The following RASGEF1A variants were observed in gnomAD, a reference collection of about 807,000 sequenced individuals.
The protein encoded by RASGEF1A is RasGEF domain family member 1A, also known as ras-GEF domain-containing family member 1A.
A neutral mutation model predicts 56.4 loss-of-function variants in RASGEF1A; 18 were observed. The ratio of observed to expected loss-of-function variants is 0.32; its 90% CI spans 0.22 to 0.47. RASGEF1A has a LOEUF of 0.47. Ranked by LOEUF, RASGEF1A falls within the 20% of genes least tolerant of loss-of-function variation. RASGEF1A has a pLI of 1.00. For synonymous variants in RASGEF1A, 245 were observed against 242.6 expected, an observed-to-expected ratio of 1.01 and a Z score of -0.09; for missense variants, 422 against 627.1, an observed-to-expected ratio of 0.67 and a Z score of 3.49.
chr10:43,232,643 T>C (rs1481767149), intron 1 of RASGEF1A, among the ~76,000 whole-genome samples: 1 of 152,078 alleles, frequency 6.6e-6, no homozygotes, highest in Middle Eastern at 3.2e-3. Context: ...CACGCCACCA[T>C]GCCCAGCTAA....
chr10:43,203,353 C>A lies in RASGEF1A; in HGVS notation c.266G>T (p.Arg89Leu). ...CTGCTCCACGCAGATCTGCCCCACGCGGGCCAGCAGGTCATGAGGGGGCAT... is the reference window on the plus strand; with the variant it reads ...CTGCTCCACGCAGATCTGCCCCACGAGGGCCAGCAGGTCATGAGGGGGCAT... ...VFMPPHDLLA[R>L]VGQICVEQKQ... The change falls in exon 3 of 13, where the codon CGC becomes CTC. Residue 89 changes from arginine (R) to leucine (L), a missense_variant. Physicochemically the swap from Arg to Leu is moderately radical, Grantham distance 102 (BLOSUM62 -2). Transcript: ENST00000395810. 1 of 1,585,654 alleles carries A rather than the reference C, an allele frequency of 6.3e-7. No homozygotes were observed. Among genetic ancestry groups the A allele is most frequent in the Non-Finnish European group, 8.6e-7 (1 of 1,166,150 alleles).
chr10:43,204,509 C>G (rs898056242), intron 2 of RASGEF1A, among the ~76,000 whole-genome samples: 10 of 152,214 alleles, frequency 6.6e-5, no homozygotes, highest in Non-Finnish European at 1.3e-4. Flanking sequence ...AAGGAGACAA[C>G]TAAGACGTGG....
chr10:43,246,154 ACAATT>A (rs1391421014), intron 1 of RASGEF1A, among the ~76,000 whole-genome samples: 1 of 152,202 alleles, frequency 6.6e-6, no homozygotes, highest in Non-Finnish European at 1.5e-5. Context: ...AATTAAGAAA[ACAATT>A]CAATTCGTAA....
chr10:43,229,567 A>G (rs1245257849), intron 1 of RASGEF1A: 78 of 1,309,546 alleles, frequency 6.0e-5, no homozygotes, highest in Non-Finnish European at 7.6e-5. Context: ...GGACCGTCGC[A>G]CCCCTCCCGA....
intron 1 of RASGEF1A, among the ~76,000 whole-genome samples, chr10:43,223,261 T>C (rs934190176): frequency 6.6e-6 from 1 of 152,180 alleles, no homozygotes; most frequent in African/African-American, 2.4e-5. Context: ...ATACCACCAA[T>C]GAAACCCAGT....
Position 43,264,407 on chromosome 10 carries a change from G to T in RASGEF1A, c.-7+2438C>A, listed in dbSNP as rs925670970. ...GACACCCCCAGCAATCCACCAGTGGGTATCAGAGGCCCTCCTCTATGGCTG... is the reference window on the plus strand; with the variant it reads ...GACACCCCCAGCAATCCACCAGTGGTTATCAGAGGCCCTCCTCTATGGCTG... On this transcript the variant is annotated intron_variant, in intron 1 of 12. Coordinates refer to ENST00000395810, the MANE Select transcript of RASGEF1A (RefSeq NM_145313.4). Among the ~76,000 whole-genome samples, 6 of 149,160 alleles carry T rather than the reference G, an allele frequency of 4.0e-5. No individual in the cohort carries two copies. The South Asian group carries it at 1.4e-3, about 34-fold the overall frequency.
At chr10:43,260,989 C>G (rs1208687936) in intron 1 of RASGEF1A, among the ~76,000 whole-genome samples, 1 of 152,224 alleles carries the variant, frequency 6.6e-6, no homozygotes, top group Non-Finnish European at 1.5e-5. Flanking sequence ...GTGCGGGCAT[C>G]TCCGAGCCAG....
chr10:43,225,903 G>C (rs145395129), intron 1 of RASGEF1A, among the ~76,000 whole-genome samples: 16 of 152,140 alleles, frequency 1.1e-4, no homozygotes, highest in Non-Finnish European at 2.4e-4. Flanking sequence ...GGAGGGCGGC[G>C]CTCTGACGCA....
intron 1 of RASGEF1A, among the ~76,000 whole-genome samples, chr10:43,240,686 A>G (rs1181444365): frequency 6.6e-6 from 1 of 152,164 alleles, no homozygotes; most frequent in Non-Finnish European, 1.5e-5. Context: ...GCACAGAAAG[A>G]AAAAAGAAAG....
intron 1 of RASGEF1A, among the ~76,000 whole-genome samples, chr10:43,226,521 T>C (rs1840282062): frequency 6.6e-6 from 1 of 151,996 alleles, no homozygotes; most frequent in Non-Finnish European, 1.5e-5. Flanking sequence ...ACGCCATCCA[T>C]GGGCTCCCAC....
intron 1 of RASGEF1A, among the ~76,000 whole-genome samples, chr10:43,243,690 G>A (rs1306885440): frequency 1.1e-4 from 17 of 147,960 alleles, no homozygotes; most frequent in African/African-American, 3.5e-4. Flanking sequence ...TGGGAGGTGG[G>A]GAGCACCTCT....
At chr10:43,254,314 C>G (rs1243297116) in intron 1 of RASGEF1A, among the ~76,000 whole-genome samples, 1 of 152,142 alleles carries the variant, frequency 6.6e-6, no homozygotes, top group Non-Finnish European at 1.5e-5. Flanking sequence ...TGTAGGTAGA[C>G]CCCCCCAGTG....
At chr10:43,231,154 G>T (rs1408312745) in intron 1 of RASGEF1A, among the ~76,000 whole-genome samples, 1 of 152,258 alleles carries the variant, frequency 6.6e-6, no homozygotes, top group Non-Finnish European at 1.5e-5. Context: ...CCCCACTTTT[G>T]CTTCTGCATC....
Position 43,245,906 on chromosome 10 carries a change from G to A in RASGEF1A, c.-7+20939C>T, listed in dbSNP as rs552091406. Among the ~76,000 whole-genome samples the A allele has an allele frequency of 4.6e-5, 7 of 152,184 alleles. No individual in the cohort carries two copies. In the East Asian group the frequency reaches 1.4e-3, roughly 29 times the overall value. Reference sequence around the variant, plus strand: ...ATTTAACATTGCTCTGGAGGTTCTGGCCTCGGCAATTGGATAAGAAAAAGA... The same window carrying A: ...ATTTAACATTGCTCTGGAGGTTCTGACCTCGGCAATTGGATAAGAAAAAGA... On this transcript the variant is annotated intron_variant, in intron 1 of 12. Transcript: ENST00000395810.
At chr10:43,251,975 A>T (rs1342577124) in intron 1 of RASGEF1A, among the ~76,000 whole-genome samples, 2 of 152,216 alleles carry the variant, frequency 1.3e-5, no homozygotes, top group Admixed American at 1.3e-4. Context: ...GCAGACAGGG[A>T]GGCCCTGCTG....
intron 1 of RASGEF1A, among the ~76,000 whole-genome samples, chr10:43,230,498 C>G (rs970921224): frequency 3.3e-5 from 5 of 152,194 alleles, no homozygotes; most frequent in Non-Finnish European, 7.3e-5. Flanking sequence ...TGCGCGGAGC[C>G]GAAGAGCGCC....
intron 1 of RASGEF1A, among the ~76,000 whole-genome samples, chr10:43,246,023 A>T (rs143457524): frequency 3.0e-4 from 45 of 152,298 alleles, no homozygotes; most frequent in African/African-American, 1.1e-3. Flanking sequence ...ATACACATAC[A>T]CACACAGACA....
At position 43,197,067 on chromosome 10, in the gene RASGEF1A, C is replaced by T; in HGVS notation, c.1257G>A (p.Glu419=). 6.2e-7 allele frequency: 1 copy of T among 1,613,994 alleles called. No individual in the cohort carries two copies. The highest frequency in any genetic ancestry group is 8.5e-7 in the Non-Finnish European group (1 of 1,179,866). The change falls in exon 11 of 13, where the codon GAG becomes GAA. Residue 419 remains glutamate, a synonymous_variant. Transcript: ENST00000395810. ...KFWEISRQIH[E]FMTWTQVECP... ...ACTCTACCTGTGTCCATGTCATGAA[C>T]TCATGGATCTGTCTGGAGATCTCCC...
chr10:43,208,915 A>T, intron 1 of RASGEF1A: 1 of 985,596 alleles, frequency 1.0e-6, no homozygotes, highest in Non-Finnish European at 1.2e-6. Context: ...TCCTGGGTGC[A>T]TCTGGCCAGC....
Sources: gnomAD v4.1 joint callset for allele counts (sites outside exome capture counted in the v4.1 genomes callset) on GRCh38, gnomAD v4.1.1 for gene constraint, MANE v1.5 for transcripts, NCBI Gene and HGNC (gene_info 2026-07-23, HGNC 2026-07-21) for gene names.